Variants in OSBPL9 observed in about 807,000 individuals in gnomAD.
The protein encoded by OSBPL9 is oxysterol binding protein like 9, also known as oxysterol-binding protein-related protein 9.
Under a neutral mutation model 106.6 loss-of-function variants are expected in OSBPL9, and 40 were observed. The ratio of observed to expected loss-of-function variants is 0.38; its 90% CI spans 0.29 to 0.49. The LOEUF (loss-of-function observed/expected upper bound fraction) is 0.49. Among genes scored for constraint, OSBPL9 ranks in the 20% least tolerant of loss-of-function variants. The pLI, the probability that OSBPL9 is intolerant of heterozygous loss-of-function variation, is 0.97. For missense variants in OSBPL9, 609 were observed against 887.2 expected (o/e 0.69, Z 3.98); for synonymous variants, 269 against 295.4 (o/e 0.91, Z 0.92).
At chr1:51,683,521 G>A (rs1653075056) in intron 3 of OSBPL9, among the ~76,000 whole-genome samples, 1 of 151,934 alleles carries the variant, frequency 6.6e-6, no homozygotes, top group African/African-American at 2.4e-5. Context: ...CGCTGGGCTT[G>A]GTGGCTCATG....
At chr1:51,561,034 G>A in the OSBPL9 span, 1 of 152,144 alleles carries the variant, frequency 6.6e-6, no homozygotes, top group Non-Finnish European at 1.5e-5. Flanking sequence ...GTCAGGAGTT[G>A]GAGACCAGCC....
At chr1:51,698,898 G>A (rs1656657241) in intron 3 of OSBPL9, among the ~76,000 whole-genome samples, 1 of 152,048 alleles carries the variant, frequency 6.6e-6, no homozygotes, top group South Asian at 2.1e-4. Context: ...TGTTGTGATT[G>A]AATAATAACC....
intron 1 of OSBPL9, among the ~76,000 whole-genome samples, chr1:51,642,777 G>A (rs1044385991): frequency 6.6e-6 from 1 of 152,116 alleles, no homozygotes; most frequent in Non-Finnish European, 1.5e-5. Context: ...AACTGCTCCA[G>A]GCTGTAACCT....
At chr1:51,705,694 C>T (rs148848644) in intron 3 of OSBPL9, among the ~76,000 whole-genome samples, 2,324 of 151,892 alleles carry the variant, frequency 0.015, 64 homozygotes, top group African/African-American at 0.053. Context: ...GGATTACAGG[C>T]GTGAGCCACC....
the OSBPL9 span, among the ~76,000 whole-genome samples, chr1:51,540,617 G>A: frequency 6.6e-6 from 1 of 150,446 alleles, no homozygotes; most frequent in African/African-American, 2.4e-5. Flanking sequence ...TAGCACCACT[G>A]CACTCCAGCC....
chr1:51,580,388 T>C (rs1386936542), intron 1 of OSBPL9, among the ~76,000 whole-genome samples: 3 of 152,226 alleles, frequency 2.0e-5, no homozygotes, highest in Non-Finnish European at 2.9e-5. Context: ...CAGATTGGCA[T>C]GAGGGCCAAA....
the OSBPL9 span, among the ~76,000 whole-genome samples, chr1:51,526,681 T>A: frequency 2.2e-4 from 33 of 152,304 alleles, no homozygotes; most frequent in Non-Finnish European, 4.3e-4. Flanking sequence ...ATGGCATTTT[T>A]AAATCTAGTG....
At chr1:51,731,425 T>G (rs1378494844) in intron 4 of OSBPL9, among the ~76,000 whole-genome samples, 1 of 152,086 alleles carries the variant, frequency 6.6e-6, no homozygotes, top group Non-Finnish European at 1.5e-5. Context: ...CACTCTAGCC[T>G]GGATGACAGA....
At chr1:51,609,798 A>G (rs1314080692) in intron 2 of OSBPL9, among the ~76,000 whole-genome samples, 6 of 145,372 alleles carry the variant, frequency 4.1e-5, no homozygotes, top group Non-Finnish European at 7.5e-5. Flanking sequence ...CCCAGGCTGG[A>G]GTGCAGTGGC....
At chr1:51,645,248 T>G (rs1646075865) in intron 1 of OSBPL9, among the ~76,000 whole-genome samples, 2 of 152,232 alleles carry the variant, frequency 1.3e-5, no homozygotes, top group Non-Finnish European at 2.9e-5. Context: ...CTTTATTTTC[T>G]TAACACTTAT....
intron 3 of OSBPL9, among the ~76,000 whole-genome samples, chr1:51,691,361 C>T (rs1406228619): frequency 6.8e-6 from 1 of 146,542 alleles, no homozygotes; most frequent in African/African-American, 2.5e-5. Context: ...CTCACTGCAA[C>T]CTCTGACTCC....
chr1:51,553,370 C>T, the OSBPL9 span, among the ~76,000 whole-genome samples: 1 of 151,818 alleles, frequency 6.6e-6, no homozygotes, highest in African/African-American at 2.4e-5. Flanking sequence ...AAAAATTAAC[C>T]TGGCATGGTG....
intron 10 of OSBPL9, among the ~76,000 whole-genome samples, chr1:51,761,432 CTT>C (rs1214645319): frequency 1.3e-5 from 2 of 151,960 alleles, no homozygotes; most frequent in African/African-American, 2.4e-5. Context: ...ATGGAAAACT[CTT>C]TTTAAAAGTA....
chr1:51,524,962 A>G, the OSBPL9 span, among the ~76,000 whole-genome samples: 2 of 152,258 alleles, frequency 1.3e-5, no homozygotes. Context: ...ATGCTGAGAC[A>G]TCATCAAATT....
In OSBPL9 at chr1:51,619,525, G is replaced by A. The variant is rs557841471; in HGVS notation, c.111+2304G>A. On this transcript the variant is annotated intron_variant, in intron 1 of 23. Coordinates refer to ENST00000428468, the MANE Select transcript of OSBPL9 (RefSeq NM_024586.6). ...CCCTAAAATATTATCCTTGCCAGAG[G>A]AAGGAAGTATCATATTTCTCACTAA... 1.6e-4 allele frequency among the ~76,000 whole-genome samples: 24 copies of A among 152,250 alleles called. 1 individual carries two copies. The South Asian group carries it at 4.6e-3, about 29-fold the overall frequency.
chr1:51,519,215 T>A, the OSBPL9 span: 1 of 1,292,616 alleles, frequency 7.7e-7, no homozygotes, highest in Non-Finnish European at 1.0e-6. Context: ...CAGAGAGAGC[T>A]GGGCCGCCGC....
At chr1:51,760,161 C>T (rs1250593911) in intron 9 of OSBPL9, 1 of 153,870 alleles carries the variant, frequency 6.5e-6, no homozygotes, top group African/African-American at 2.4e-5. Flanking sequence ...GATATTTTAT[C>T]AGGGACTTGA....
chr1:51,635,831 C>CG (rs1480161040), intron 1 of OSBPL9, among the ~76,000 whole-genome samples: 1 of 152,064 alleles, frequency 6.6e-6, no homozygotes, highest in Non-Finnish European at 1.5e-5. Context: ...CCACAATCCT[C>CG]TGCCTGCAAT....
chr1:51,527,336 A>G, the OSBPL9 span, among the ~76,000 whole-genome samples: 5 of 107,864 alleles, frequency 4.6e-5, no homozygotes, highest in African/African-American at 1.7e-4. Flanking sequence ...GATGGTGATG[A>G]TGATGATGAT....
Sources: gnomAD v4.1 joint callset for allele counts (sites outside exome capture counted in the v4.1 genomes callset) on GRCh38, gnomAD v4.1.1 for gene constraint, MANE v1.5 for transcripts, NCBI Gene and HGNC (gene_info 2026-07-23, HGNC 2026-07-21) for gene names.